The following CFAP69 variants were observed in gnomAD, a reference collection of about 807,000 sequenced individuals.
CFAP69 encodes the protein cilia- and flagella-associated protein 69.
In CFAP69, 92 loss-of-function variants were observed where a neutral mutation model predicts 123.0. The observed-to-expected ratio is 0.75, with a 90% CI of 0.63 to 0.89. The LOEUF (loss-of-function observed/expected upper bound fraction) is 0.89. Among genes scored for constraint, CFAP69 ranks in the 40% least tolerant of loss-of-function variants. The pLI is 0.00. For missense variants in CFAP69, 1,067 were observed against 1,096.9 expected (o/e 0.97, Z 0.39); for synonymous variants, 380 against 364.3 (o/e 1.04, Z -0.49).
rs1789142211 is a variant in CFAP69, at chr7:90,279,582, C to A, written c.1156-95C>A. ...TATAAAGGAATTATTTTGAAATAAT[C>A]CCCAATAAAACATCAAAATGTAAAT... On this transcript the variant is annotated intron_variant, in intron 11 of 22. Coordinates refer to ENST00000389297, the MANE Select transcript of CFAP69 (RefSeq NM_001039706.3). The A allele has an allele frequency of 2.0e-5, 13 of 644,364 alleles. No individual in the cohort carries two copies. The South Asian group carries it at 3.1e-4, about 15-fold the overall frequency. 39.9% of individuals were successfully genotyped at this position (644,364 alleles called of 1,614,324 possible).
intron 11 of CFAP69, among the ~76,000 whole-genome samples, chr7:90,278,943 G>A (rs1858806): frequency 0.053 from 8,109 of 152,116 alleles, 273 homozygotes; most frequent in Non-Finnish European, 0.077. Flanking sequence ...ATAGAATAAT[G>A]CCAAATTAAA....
At chr7:90,318,768 A>G in the CFAP69 span, 1 of 152,146 alleles carries the variant, frequency 6.6e-6, no homozygotes, top group Non-Finnish European at 1.5e-5. Context: ...AACAACGTTT[A>G]TCAGTATTAA....
At chr7:90,290,565 G>T in intron 15 of CFAP69, among the ~76,000 whole-genome samples, 1 of 152,094 alleles carries the variant, frequency 6.6e-6, no homozygotes, top group East Asian at 1.9e-4. Flanking sequence ...GACACACCCA[G>T]AATAATGTTT....
At position 90,304,276 on chromosome 7, in the gene CFAP69, G is replaced by A. The variant is rs1334165167; in HGVS notation, c.2188+170G>A. ...ACTGCACCCCTCACCAATTAAATCA[G>A]AATCTCTGTGTGTGGGATCCAGGCA... is the stretch of plus-strand genomic sequence containing the variant. On this transcript the variant is annotated intron_variant, in intron 18 of 22. Coordinates refer to ENST00000389297, the MANE Select transcript of CFAP69 (RefSeq NM_001039706.3). The A allele has an allele frequency of 2.2e-6, 3 of 1,344,444 alleles. No homozygotes were observed. The East Asian group carries it at 8.4e-5, about 38-fold the overall frequency. The allele number at this position is 1,344,444 out of a possible 1,614,324, so 83.3% of individuals were successfully genotyped here. A position where few individuals can be genotyped will look rare whatever the true frequency, so the allele number is the denominator to read the frequency against.
At position 90,258,180 on chromosome 7, in the gene CFAP69, T is replaced by A. The variant is rs17865668; in HGVS notation, c.246+17T>A. 1 of 1,498,106 alleles carries A rather than the reference T, an allele frequency of 6.7e-7. No homozygotes were observed. The highest frequency in any genetic ancestry group is 1.2e-5 in the South Asian group (1 of 83,848). 92.8% of individuals were successfully genotyped at this position (1,498,106 alleles called of 1,614,324 possible). A position where few individuals can be genotyped will look rare whatever the true frequency, so the allele number is the denominator to read the frequency against. On this transcript the variant is annotated intron_variant, in intron 3 of 22. Coordinates refer to ENST00000389297, the MANE Select transcript of CFAP69 (RefSeq NM_001039706.3). ...AATGGACTTGTATCCTTTACATATA[T>A]ATGTATGTTCATTTCATTTATTCTG...
At chr7:90,278,883 C>G (rs192884635) in intron 11 of CFAP69, among the ~76,000 whole-genome samples, 176 of 152,180 alleles carry the variant, frequency 1.2e-3, no homozygotes, top group Non-Finnish European at 2.1e-3. Flanking sequence ...ATTCTTTTCA[C>G]ATGGACTAGT....
At chr7:90,247,222 T>C (rs971301851) in intron 1 of CFAP69, among the ~76,000 whole-genome samples, 1 of 152,200 alleles carries the variant, frequency 6.6e-6, no homozygotes, top group African/African-American at 2.4e-5. Context: ...TTAACTGAGT[T>C]ACTCAGTTTC....
chr7:90,294,530 C>T (rs1791648145), intron 15 of CFAP69, among the ~76,000 whole-genome samples: 1 of 152,162 alleles, frequency 6.6e-6, no homozygotes, highest in African/African-American at 2.4e-5. Context: ...AGGAATTGAA[C>T]CCTGGACCGG....
At chr7:90,246,493 G>T (rs966101179) in intron 1 of CFAP69, among the ~76,000 whole-genome samples, 1 of 152,242 alleles carries the variant, frequency 6.6e-6, no homozygotes, top group African/African-American at 2.4e-5. Context: ...GTGGTCAGTT[G>T]ACTGGGGAAT....
intron 4 of CFAP69, among the ~76,000 whole-genome samples, chr7:90,264,634 T>C (rs1798874530): frequency 6.6e-6 from 1 of 152,158 alleles, no homozygotes; most frequent in Admixed American, 6.5e-5. Context: ...AGCTATAATT[T>C]ATTACTATTT....
the CFAP69 span, chr7:90,318,691 T>TA: frequency 2.0e-5 from 3 of 152,038 alleles, no homozygotes; most frequent in African/African-American, 4.8e-5. Flanking sequence ...ACCTTCTAAG[T>TA]AAAAAATTGA....
At chr7:90,249,078 T>G (rs1796661266) in intron 1 of CFAP69, among the ~76,000 whole-genome samples, 1 of 152,198 alleles carries the variant, frequency 6.6e-6, no homozygotes, top group Non-Finnish European at 1.5e-5. Context: ...TTATATGGTT[T>G]GGCTTTGTGT....
At chr7:90,278,286 T>G (rs1788900930) in intron 11 of CFAP69, among the ~76,000 whole-genome samples, 2 of 152,246 alleles carry the variant, frequency 1.3e-5, no homozygotes, top group South Asian at 4.1e-4. Flanking sequence ...AACTTCAACA[T>G]GGGGATAACA....
At chr7:90,268,213 C>A in intron 5 of CFAP69, 73 bp from the exon 6 acceptor site, 1 of 883,580 alleles carries the variant, frequency 1.1e-6, no homozygotes, top group Non-Finnish European at 1.8e-6. Context: ...ATATTATTAA[C>A]ATTTTATGCC....
intron 1 of CFAP69, among the ~76,000 whole-genome samples, chr7:90,250,544 A>G (rs1166482035): frequency 6.6e-6 from 1 of 152,234 alleles, no homozygotes; most frequent in Non-Finnish European, 1.5e-5. Context: ...AAAGTGGGAA[A>G]TAAGTTCATC....
intron 1 of CFAP69, among the ~76,000 whole-genome samples, chr7:90,246,275 T>C (rs1317293983): frequency 6.6e-6 from 1 of 152,210 alleles, no homozygotes; most frequent in Non-Finnish European, 1.5e-5. Flanking sequence ...CCCCAAGTTG[T>C]TTGTTTCCTA....
At chr7:90,272,077 T>C (rs1256758257) in intron 8 of CFAP69, 119 bp downstream of exon 8, 10 of 940,834 alleles carry the variant, frequency 1.1e-5, no homozygotes, top group African/African-American at 1.7e-5. Context: ...GTAATGGCTA[T>C]GTTTCAGGAC....
downstream of CFAP69, among the ~76,000 whole-genome samples, chr7:90,311,734 A>G (rs529750067): frequency 2.0e-5 from 3 of 152,208 alleles, no homozygotes; most frequent in South Asian, 6.2e-4. Context: ...TCTAATTAGA[A>G]TGAGTTGCCA....
chr7:90,277,461 C>A, intron 11 of CFAP69, 127 bp downstream of exon 11: 2 of 779,960 alleles, frequency 2.6e-6, no homozygotes, highest in Non-Finnish European at 3.7e-6. Context: ...TAAAATCTTA[C>A]TGGCCTGAAT....
Sources: allele counts gnomAD v4.1 joint callset (sites outside exome capture counted in the v4.1 genomes callset), GRCh38; gene constraint gnomAD v4.1.1; transcripts MANE v1.5; gene names NCBI Gene and HGNC (gene_info 2026-07-23, HGNC 2026-07-21).